STATH: variants seen among roughly 807,000 people sequenced by gnomAD.
STATH encodes the protein statherin.
A neutral mutation model predicts 13.3 loss-of-function variants in STATH; 11 were observed. The observed-to-expected ratio is 0.83, with a 90% CI of 0.52 to 1.37. STATH has a LOEUF of 1.37. Ranked by LOEUF, STATH falls within the 40% of genes most tolerant of loss-of-function variation. The pLI is 0.00. For missense variants in STATH, 78 were observed against 73.3 expected, an observed-to-expected ratio of 1.06 and a Z score of -0.24; for synonymous variants, 25 against 23.6, an observed-to-expected ratio of 1.06 and a Z score of -0.17.
chr4:69,999,525 C>A, intron 2 of STATH, 142 bp from the exon 3 acceptor site: 1 of 736,302 alleles, frequency 1.4e-6, no homozygotes, highest in Non-Finnish European at 2.2e-6. Context: ...TGTCATGAAG[C>A]AAAAATAACT....
At chr4:69,998,552 C>G in intron 2 of STATH, 64 bp downstream of exon 2, 1 of 1,417,946 alleles carries the variant, frequency 7.1e-7, no homozygotes, top group East Asian at 2.3e-5. Flanking sequence ...CTCTCTATTC[C>G]TTGTGTTCTG....
chr4:69,998,567 A>G, intron 2 of STATH, 79 bp downstream of exon 2: 1 of 1,306,786 alleles, frequency 7.7e-7, no homozygotes, highest in Non-Finnish European at 1.1e-6. Context: ...GTTCTGGCAT[A>G]TATTGGTGTT....
intron 4 of STATH, 64 bp from the exon 5 acceptor site, chr4:70,000,798 TA>T: frequency 8.2e-7 from 1 of 1,224,262 alleles, no homozygotes; most frequent in South Asian, 1.3e-5. Context: ...AAGCTTCTAA[TA>T]AAAACGCTTG....
At chr4:70,000,054 C>T in intron 4 of STATH, 1 of 496,348 alleles carries the variant, frequency 2.0e-6, no homozygotes, top group East Asian at 3.2e-5. Flanking sequence ...CAAGTATCAT[C>T]TCCTAAGTAA....
chr4:69,997,326 T>C (rs1308487803), intron 1 of STATH, among the ~76,000 whole-genome samples: 1 of 152,128 alleles, frequency 6.6e-6, no homozygotes, highest in Non-Finnish European at 1.5e-5. Flanking sequence ...TTCTGCTTTA[T>C]GTTTTGGAGA....
intron 4 of STATH, among the ~76,000 whole-genome samples, chr4:70,000,563 A>G (rs2109683194): frequency 6.6e-6 from 1 of 151,936 alleles, no homozygotes; most frequent in Non-Finnish European, 1.5e-5. Context: ...GCTGGGAGGT[A>G]GTATTTTGAA....
chr4:70,000,797 A>G, intron 4 of STATH, 66 bp from the exon 5 acceptor site: 1 of 1,213,104 alleles, frequency 8.2e-7, no homozygotes, highest in South Asian at 1.3e-5. Context: ...TAAGCTTCTA[A>G]TAAAAACGCT....
rs553155763 is a variant in STATH, at chr4:70,000,888, T to A, written c.128T>A (p.Val43Asp). ...FGYGYGPYQP[V>D]PEQPLYPQPY... is the part of the protein sequence containing the mutation. Reference sequence around the variant, plus strand: ...TATGGGTATGGCCCTTATCAGCCAGTTCCAGAACAACCACTATACCCACAA... The same window carrying A: ...TATGGGTATGGCCCTTATCAGCCAGATCCAGAACAACCACTATACCCACAA... Residue 43 changes from valine (V) to aspartate (D), a missense_variant, in exon 5 of 6, where the codon GTT becomes GAT. Val to Asp is a radical substitution (Grantham distance 152). Coordinates refer to ENST00000246895, the MANE Select transcript of STATH (RefSeq NM_003154.3). 7.4e-6 allele frequency: 12 copies of A among 1,612,206 alleles called. No individual in the cohort carries two copies. The highest frequency in any genetic ancestry group is 1.0e-5 in the Non-Finnish European group (12 of 1,178,634).
chr4:70,001,049 C>A (rs543138523), intron 5 of STATH, 67 bp downstream of exon 5: 2 of 1,143,486 alleles, frequency 1.7e-6, no homozygotes, highest in Admixed American at 1.8e-5. Context: ...AGAAGAAAAA[C>A]AAAAACAAGA....
intron 4 of STATH, chr4:70,000,433 G>A (rs190975061): frequency 6.0e-6 from 1 of 165,528 alleles, no homozygotes; most frequent in Admixed American, 5.7e-5. Context: ...GAAGTATTAA[G>A]GAATGTAGGA....
intron 4 of STATH, chr4:70,000,057 C>G: frequency 2.1e-6 from 1 of 482,664 alleles, no homozygotes; most frequent in East Asian, 3.2e-5. Flanking sequence ...GTATCATCTC[C>G]TAAGTAATCA....
chr4:69,998,084 C>G (rs1366501210), intron 1 of STATH, among the ~76,000 whole-genome samples: 2 of 151,914 alleles, frequency 1.3e-5, no homozygotes, highest in East Asian at 3.9e-4. Flanking sequence ...CCCTCTTTTT[C>G]ATTTTCTTGC....
At chr4:69,998,288 G>A in intron 1 of STATH, 135 bp from the exon 2 acceptor site, 1 of 608,030 alleles carries the variant, frequency 1.6e-6, no homozygotes. Context: ...GTTTCATGAT[G>A]TCAGGCAATG....
In STATH at chr4:69,999,667, G is replaced by C. The variant is rs1560414077; in HGVS notation, c.52G>C (p.Gly18Arg). ...FILALMVSMI[G>R]ADSSEEKFLR... ...ATTGTCTAATTTTCTGTTTTCTAAG[G>C]GAGCTGATTCATCTGAAGAGGTGAG... Residue 18 changes from glycine (G) to arginine (R), a missense_variant and splice_region_variant, in exon 3 of 6, where the codon GGA (glycine) becomes CGA (arginine). Coordinates refer to ENST00000246895, the MANE Select transcript of STATH (RefSeq NM_003154.3). The C allele has an allele frequency of 6.2e-7, 1 of 1,610,248 alleles. No homozygotes were observed. The highest frequency in any genetic ancestry group is 1.1e-5 in the South Asian group (1 of 90,818).
intron 1 of STATH, among the ~76,000 whole-genome samples, chr4:69,997,609 G>A (rs1220548876): frequency 6.6e-6 from 1 of 152,078 alleles, no homozygotes; most frequent in African/African-American, 2.4e-5. Flanking sequence ...AAGGAACTGG[G>A]TTAACTGGCT....
chr4:70,001,881 T>C (rs1209228683), intron 5 of STATH, among the ~76,000 whole-genome samples: 2 of 151,800 alleles, frequency 1.3e-5, no homozygotes, highest in African/African-American at 2.4e-5. Context: ...AGAAAAGATG[T>C]ATTGAAATAT....
intron 2 of STATH, chr4:69,998,698 A>G (rs925559590): frequency 1.5e-5 from 6 of 390,642 alleles, no homozygotes. Context: ...ACACTAAAGT[A>G]TATTTAGCTT....
intron 5 of STATH, among the ~76,000 whole-genome samples, chr4:70,001,491 G>A (rs1724667255): frequency 6.6e-6 from 1 of 151,624 alleles, no homozygotes; most frequent in South Asian, 2.1e-4. Context: ...GAACCATCTG[G>A]GAACTTGTGA....
At chr4:70,002,104 C>T (rs1237564533) in intron 5 of STATH, 85 bp from the exon 6 acceptor site, 1 of 151,444 alleles carries the variant, frequency 6.6e-6, no homozygotes, top group Non-Finnish European at 1.5e-5. Flanking sequence ...TATATAATAT[C>T]TACTCTGTAC....
Sources: allele counts gnomAD v4.1 joint callset (sites outside exome capture counted in the v4.1 genomes callset), GRCh38; gene constraint gnomAD v4.1.1; transcripts MANE v1.5; gene names NCBI Gene and HGNC (gene_info 2026-07-23, HGNC 2026-07-21).